BRF1: variants seen among roughly 807,000 people sequenced by gnomAD.
The protein encoded by BRF1 is BRF1 general transcription factor IIIB subunit, also known as transcription factor IIIB 90 kDa subunit.
BRF1 carries 59 observed loss-of-function variants against 81.7 expected under a neutral mutation model. The observed-to-expected ratio is 0.72, with a 90% confidence interval of 0.59 to 0.90. The LOEUF (loss-of-function observed/expected upper bound fraction) is 0.90. Ranked by LOEUF, BRF1 falls within the 40% of genes least tolerant of loss-of-function variation. BRF1 has a pLI of 0.00. For missense variants in BRF1, 1,050 were observed against 936.3 expected, an observed-to-expected ratio of 1.12 and a Z score of -1.58; for synonymous variants, 491 against 395.6, an observed-to-expected ratio of 1.24 and a Z score of -2.86.
intron 10 of BRF1, among the ~76,000 whole-genome samples, chr14:105,225,661 TG>T (rs1346552002): frequency 6.6e-6 from 1 of 152,020 alleles, no homozygotes; most frequent in Admixed American, 6.6e-5. Context: ...TTTTTTTTTT[TG>T]TTTGAGACGG....
intron 3 of BRF1, among the ~76,000 whole-genome samples, chr14:105,262,368 G>A (rs1443714963): frequency 6.6e-6 from 1 of 152,216 alleles, no homozygotes; most frequent in African/African-American, 2.4e-5. Flanking sequence ...CTGATGCGGG[G>A]TAGGAGACCT....
intron 14 of BRF1, among the ~76,000 whole-genome samples, chr14:105,218,421 G>C (rs982432595): frequency 6.6e-6 from 1 of 152,138 alleles, no homozygotes; most frequent in African/African-American, 2.4e-5. Context: ...AAGCTCCCCG[G>C]GTCCTGCTGA....
chr14:105,223,650 G>A (rs962269522), intron 10 of BRF1, among the ~76,000 whole-genome samples: 2 of 152,352 alleles, frequency 1.3e-5, no homozygotes, highest in East Asian at 1.9e-4. Context: ...AGGAGGGGGG[G>A]TGGTGACCAA....
chr14:105,308,937 G>A (rs746481832), intron 1 of BRF1, among the ~76,000 whole-genome samples: 1 of 151,908 alleles, frequency 6.6e-6, no homozygotes. Flanking sequence ...TGGCACCACT[G>A]CACTCCAGCC....
chr14:105,270,473 C>A (rs1202780523), intron 3 of BRF1, among the ~76,000 whole-genome samples: 1 of 151,778 alleles, frequency 6.6e-6, no homozygotes, highest in African/African-American at 2.4e-5. Flanking sequence ...CCATGCCCAG[C>A]CCAAATTTCA....
At chr14:105,215,862 ACATGCACACACACG>A (rs1297305809) in intron 15 of BRF1, among the ~76,000 whole-genome samples, 2 of 149,812 alleles carry the variant, frequency 1.3e-5, no homozygotes, top group African/African-American at 4.9e-5. Flanking sequence ...GCACACACAC[ACATGCACACACACG>A]CTGCAGGCAT....
chr14:105,241,286 G>T lies in BRF1; in HGVS notation c.673C>A (p.Pro225Thr). The change falls in exon 6 of 18, where the codon CCC becomes ACC. Residue 225 changes from proline to threonine, a missense_variant. Pro to Thr is a conservative substitution (Grantham distance 38). Transcript: ENST00000547530. ...KRDWMHTGRR[P>T]SGLCGAALLV... ...GTACCTGCTCCGCAGAGGCCCGAGG[G>T]GCGCCGGCCTGTGTGCATCCAGTCC... is the stretch of plus-strand genomic sequence containing the variant. 1.9e-6 allele frequency: 3 copies of T among 1,612,210 alleles called. No individual in the cohort carries two copies. The highest frequency in any genetic ancestry group is 2.5e-6 in the Non-Finnish European group (3 of 1,179,836).
chr14:105,269,944 C>G lies in BRF1; in HGVS notation c.439+2777G>C, dbSNP rs1355801713. Reference sequence around the variant, plus strand: ...CTCTGCTCAGCTTCTCGCTCAGGACCTTGGTCTGCTTCTAAGAGAGCAGGA... The same window carrying G: ...CTCTGCTCAGCTTCTCGCTCAGGACGTTGGTCTGCTTCTAAGAGAGCAGGA... On this transcript the variant is annotated intron_variant, in intron 3 of 17. Transcript: ENST00000547530. This position sits in a 1 kb window ranked among gnomAD's most constrained non-coding sequence, Gnocchi z 5.0. Among the ~76,000 whole-genome samples the G allele has an allele frequency of 6.6e-6, 1 of 152,110 alleles. No individual in the cohort carries two copies. Among genetic ancestry groups the G allele is most frequent in the Non-Finnish European group, 1.5e-5 (1 of 68,014 alleles).
At chr14:105,217,370 A>T in intron 15 of BRF1, 174 bp downstream of exon 15, 1 of 1,014,500 alleles carries the variant, frequency 9.9e-7, no homozygotes, top group Non-Finnish European at 1.4e-6. Context: ...GAGAGTTGAG[A>T]CACTGTCAAG....
At chr14:105,302,204 CTT>C (rs1274491955), upstream of BRF1, among the ~76,000 whole-genome samples, 7 of 132,762 alleles carry the variant, frequency 5.3e-5, no homozygotes, top group Admixed American at 1.5e-4. Context: ...TTTTTTCTTT[CTT>C]TTTTTTTTTT....
At chr14:105,217,490 C>T (rs1891525613) in intron 15 of BRF1, 54 bp downstream of exon 15, 1 of 1,585,538 alleles carries the variant, frequency 6.3e-7, no homozygotes, top group Non-Finnish European at 8.6e-7. Flanking sequence ...AGCCATGGGC[C>T]TCTGCCCGCC....
At chr14:105,307,209 G>A (rs2058215743) in intron 1 of BRF1, among the ~76,000 whole-genome samples, 1 of 151,932 alleles carries the variant, frequency 6.6e-6, no homozygotes, top group South Asian at 2.1e-4. Flanking sequence ...CGTGCAGGCT[G>A]AGCATACCTT....
At chr14:105,248,999 GC>G (rs2055373746) in intron 5 of BRF1, 24 of 1,020,244 alleles carry the variant, frequency 2.4e-5, no homozygotes, top group Non-Finnish European at 2.7e-5. Context: ...CAGCGCCGCC[GC>G]CGCCCGCGCC....
chr14:105,219,728 G>A (rs1891942184), intron 12 of BRF1: 3 of 462,250 alleles, frequency 6.5e-6, no homozygotes, highest in Non-Finnish European at 1.2e-5. Context: ...CACAGCGCAT[G>A]TGGAGTCAGT....
rs1566804402 is a variant in BRF1, at chr14:105,219,901, T to C, written c.1377+168A>G. 1.2e-4 allele frequency: 82 copies of C among 676,398 alleles called. 1 individual carries two copies. The highest frequency in any genetic ancestry group is 2.4e-6 in the Non-Finnish European group (1 of 409,912). The allele number at this position is 676,398 out of a possible 1,614,324, so 41.9% of individuals were successfully genotyped here. ...CGAGCCGACACTGGAGAAGAGAGTG[T>C]GGGGGGGGGTCCCGGGAACAGTGGC... is the stretch of plus-strand genomic sequence containing the variant. On this transcript the variant is annotated intron_variant, in intron 12 of 17. Transcript: ENST00000547530.
intron 3 of BRF1, among the ~76,000 whole-genome samples, chr14:105,268,978 C>T (rs2056546338): frequency 6.6e-6 from 1 of 152,184 alleles, no homozygotes; most frequent in Non-Finnish European, 1.5e-5. Context: ...TGAGGCAGCA[C>T]ATGAGCCCAG....
chr14:105,258,771 C>T (rs2056013386), intron 3 of BRF1, among the ~76,000 whole-genome samples: 1 of 151,940 alleles, frequency 6.6e-6, no homozygotes, highest in South Asian at 2.1e-4. Flanking sequence ...TGCACTCCAG[C>T]CTGGGCAACA....
chr14:105,312,488 T>G (rs1329404913), intron 1 of BRF1, among the ~76,000 whole-genome samples: 5 of 152,162 alleles, frequency 3.3e-5, no homozygotes, highest in Non-Finnish European at 7.3e-5. Flanking sequence ...CCGAGAGGTT[T>G]GTCTCAAACC....
At chr14:105,287,348 T>C (rs2057352477) in intron 1 of BRF1, among the ~76,000 whole-genome samples, 1 of 152,108 alleles carries the variant, frequency 6.6e-6, no homozygotes, top group African/African-American at 2.4e-5. Context: ...TGCGGCCTGA[T>C]CTTCCAACGA....
Sources: gnomAD v4.1 joint callset for allele counts (sites outside exome capture counted in the v4.1 genomes callset) on GRCh38, gnomAD v4.1.1 for gene constraint, Gnocchi (gnomAD v3.1) non-coding constraint, MANE v1.5 for transcripts, NCBI Gene and HGNC (gene_info 2026-07-23, HGNC 2026-07-21) for gene names.